Variants in AXDND1 observed in about 807,000 individuals in gnomAD.
The protein encoded by AXDND1 is axonemal dynein light chain domain-containing protein 1.
In AXDND1, 110 loss-of-function variants were observed where a neutral mutation model predicts 137.5. The ratio of observed to expected loss-of-function variants is 0.80; its 90% CI spans 0.69 to 0.94. The LOEUF (loss-of-function observed/expected upper bound fraction) is 0.94. AXDND1 is among the 40% of genes least tolerant of loss of function. The probability of loss-of-function intolerance (pLI) is 0.00; values close to 1 mark genes in which losing one functional copy is unlikely to be tolerated. For missense variants in AXDND1, 1,191 were observed against 1,169.8 expected (o/e 1.02, Z -0.26); for synonymous variants, 414 against 399.7 (o/e 1.04, Z -0.43).
chr1:179,515,383 G>A (rs1320635016), intron 21 of AXDND1, among the ~76,000 whole-genome samples: 1 of 152,226 alleles, frequency 6.6e-6, no homozygotes, highest in East Asian at 1.9e-4. Context: ...TTTGTTTGAG[G>A]AGGCTGAAGA....
At chr1:179,467,365 T>C (rs1277058507) in intron 16 of AXDND1, among the ~76,000 whole-genome samples, 1 of 152,130 alleles carries the variant, frequency 6.6e-6, no homozygotes, top group Non-Finnish European at 1.5e-5. Context: ...GATCTGCGGG[T>C]TCTGCATCAT....
chr1:179,395,344 T>G (rs544269088), intron 11 of AXDND1, 142 bp downstream of exon 11: 1 of 640,214 alleles, frequency 1.6e-6, no homozygotes, highest in African/African-American at 1.8e-5. Flanking sequence ...ATTTAGTTGA[T>G]TTCTCATTCT....
At chr1:179,375,613 G>GT (rs1668536904) in intron 4 of AXDND1, among the ~76,000 whole-genome samples, 1 of 120,854 alleles carries the variant, frequency 8.3e-6, no homozygotes, top group African/African-American at 2.8e-5. Flanking sequence ...GCACATGTGT[G>GT]TATCTACACA....
chr1:179,477,272 A>G (rs1402888046), intron 17 of AXDND1, among the ~76,000 whole-genome samples: 1 of 150,952 alleles, frequency 6.6e-6, no homozygotes, highest in Non-Finnish European at 1.5e-5. Flanking sequence ...TTATCTAGTC[A>G]TGGATTTCTT....
At chr1:179,500,735 C>T (rs113740315) in intron 20 of AXDND1, among the ~76,000 whole-genome samples, 2 of 152,258 alleles carry the variant, frequency 1.3e-5, no homozygotes, top group African/African-American at 2.4e-5. Context: ...TGCAGTGGCA[C>T]GATGTCAGCT....
At chr1:179,400,033 A>G (rs1651713064) in intron 11 of AXDND1, among the ~76,000 whole-genome samples, 1 of 152,200 alleles carries the variant, frequency 6.6e-6, no homozygotes, top group Non-Finnish European at 1.5e-5. Context: ...AAAGAACTAA[A>G]AGTAGAACTA....
intron 15 of AXDND1, among the ~76,000 whole-genome samples, chr1:179,440,847 T>G (rs1658878873): frequency 6.6e-6 from 1 of 152,230 alleles, no homozygotes; most frequent in Non-Finnish European, 1.5e-5. Context: ...ATTTACAGCA[T>G]AAGCTGAATC....
chr1:179,509,925 C>T (rs758370396), intron 21 of AXDND1, among the ~76,000 whole-genome samples: 1 of 152,130 alleles, frequency 6.6e-6, no homozygotes, highest in Non-Finnish European at 1.5e-5. Context: ...TCTCTCTTTC[C>T]ATTCCATCAT....
chr1:179,478,633 G>A (rs905506712), intron 17 of AXDND1, among the ~76,000 whole-genome samples: 2 of 152,212 alleles, frequency 1.3e-5, no homozygotes, highest in African/African-American at 4.8e-5. Flanking sequence ...AAACGTCTCT[G>A]ACATGACCTG....
Position 179,411,265 on chromosome 1 carries a change from A to T in AXDND1, c.1229A>T (p.Lys410Met). 1 of 1,607,374 alleles carries T rather than the reference A, an allele frequency of 6.2e-7. No homozygotes were observed. The highest frequency in any genetic ancestry group is 8.5e-7 in the Non-Finnish European group (1 of 1,178,390). Reference protein sequence around the residue: ...WSSATYELALKVIERNRVILA... With the variant: ...WSSATYELALMVIERNRVILA... Reference sequence around the variant, plus strand: ...TCAGCCACATATGAATTGGCCCTGAAGGTTAGTTCATCTGGATTCACAACT... The same window carrying T: ...TCAGCCACATATGAATTGGCCCTGATGGTTAGTTCATCTGGATTCACAACT... Residue 410 changes from lysine to methionine, a missense_variant and splice_region_variant, in exon 12 of 26, where the codon AAG (lysine) becomes ATG (methionine). By Grantham distance (95) the Lys-to-Met change is moderately conservative (BLOSUM62 -1). Coordinates refer to ENST00000367618, the MANE Select transcript of AXDND1 (RefSeq NM_144696.6).
At position 179,528,184 on chromosome 1, in the gene AXDND1, C is replaced by T. The variant is rs184062190; in HGVS notation, c.2611-143C>T. 227 of 618,340 alleles carry T rather than the reference C, an allele frequency of 3.7e-4. 1 individual carries two copies. The highest frequency in any genetic ancestry group is 1.6e-4 in the Non-Finnish European group (55 of 347,700). 38.3% of individuals were successfully genotyped at this position (618,340 alleles called of 1,614,324 possible). ...TTCACAGCGTTTGCTATGTGAAAGT[C>T]TTCAAAAATTCTTGTTGTGTGATTA... On this transcript the variant is annotated intron_variant, in intron 22 of 25. Coordinates refer to ENST00000367618, the MANE Select transcript of AXDND1 (RefSeq NM_144696.6).
rs1465033131 is a variant in AXDND1, at chr1:179,379,498, T to C, written c.581+16T>C. The C allele has an allele frequency of 2.5e-6, 4 of 1,600,374 alleles. No individual in the cohort carries two copies. The highest frequency in any genetic ancestry group is 1.7e-5 in the Admixed American group (1 of 58,750). On this transcript the variant is annotated intron_variant, in intron 6 of 25. Coordinates refer to ENST00000367618, the MANE Select transcript of AXDND1 (RefSeq NM_144696.6). Reference sequence around the variant, plus strand: ...GTTATGATGAGTGAGTACTATGATATGTAAAAAATACCTGCCCCAGCTCGG... The same window carrying C: ...GTTATGATGAGTGAGTACTATGATACGTAAAAAATACCTGCCCCAGCTCGG...
chr1:179,503,723 G>C (rs1180469275), intron 20 of AXDND1, among the ~76,000 whole-genome samples: 1 of 151,672 alleles, frequency 6.6e-6, no homozygotes, highest in Non-Finnish European at 1.5e-5. Context: ...CCCCACAACA[G>C]TCCCCGGAGT....
At chr1:179,472,302 T>C (rs1446727605) in intron 17 of AXDND1, among the ~76,000 whole-genome samples, 2 of 152,242 alleles carry the variant, frequency 1.3e-5, no homozygotes, top group African/African-American at 4.8e-5. Flanking sequence ...CACATATTTG[T>C]GAGTTTCCCA....
chr1:179,453,448 G>GCAT (rs1660841412), intron 16 of AXDND1: 1 of 152,478 alleles, frequency 6.6e-6, no homozygotes, highest in South Asian at 2.1e-4. Flanking sequence ...CCCATCTCTT[G>GCAT]CATCAGCATG....
chr1:179,387,350 T>TGA (rs141288341), intron 9 of AXDND1, among the ~76,000 whole-genome samples: 1 of 151,518 alleles, frequency 6.6e-6, no homozygotes, highest in African/African-American at 2.4e-5. Context: ...AGTGAGAGGG[T>TGA]GAGAGAGAGA....
At chr1:179,502,398 C>T (rs11579431) in intron 20 of AXDND1, among the ~76,000 whole-genome samples, 48,182 of 151,678 alleles carry the variant, frequency 0.32, 8,263 homozygotes, top group Middle Eastern at 0.43. Context: ...ACCTCTGTCT[C>T]TGCTAAAAAT....
At chr1:179,398,925 A>C (rs891056204) in intron 11 of AXDND1, among the ~76,000 whole-genome samples, 1 of 152,152 alleles carries the variant, frequency 6.6e-6, no homozygotes, top group Non-Finnish European at 1.5e-5. Context: ...GTGGCAGGGC[A>C]GGGTGTATGC....
At chr1:179,495,032 A>G (rs1396680898) in intron 20 of AXDND1, among the ~76,000 whole-genome samples, 3 of 152,128 alleles carry the variant, frequency 2.0e-5, no homozygotes, top group Non-Finnish European at 1.5e-5. Flanking sequence ...TCTTGGTATT[A>G]TTCTGGACAT....
Sources: allele counts gnomAD v4.1 joint callset (sites outside exome capture counted in the v4.1 genomes callset), GRCh38; gene constraint gnomAD v4.1.1; transcripts MANE v1.5; gene names NCBI Gene and HGNC (gene_info 2026-07-23, HGNC 2026-07-21).